Variants in HPSE2 observed in about 807,000 individuals in gnomAD.
HPSE2 encodes inactive heparanase-2.
A neutral mutation model predicts 60.5 loss-of-function variants in HPSE2; 38 were observed. The ratio of observed to expected loss-of-function variants is 0.63; its 90% CI spans 0.48 to 0.82. The LOEUF is 0.82. Among genes scored for constraint, HPSE2 ranks in the 40% least tolerant of loss-of-function variants. The pLI, the probability that HPSE2 is intolerant of heterozygous loss-of-function variation, is 0.00. For missense variants in HPSE2, 713 were observed against 740.4 expected (o/e 0.96, Z 0.43); for synonymous variants, 295 against 293.2 (o/e 1.01, Z -0.06).
intron 9 of HPSE2, among the ~76,000 whole-genome samples, chr10:98,609,611 A>C (rs187066482): frequency 6.6e-6 from 1 of 152,320 alleles, no homozygotes; most frequent in East Asian, 1.9e-4. Flanking sequence ...ATATATACCA[A>C]ATCAGAATCC....
At chr10:98,541,767 G>A (rs1943471508) in intron 9 of HPSE2, among the ~76,000 whole-genome samples, 1 of 152,204 alleles carries the variant, frequency 6.6e-6, no homozygotes, top group African/African-American at 2.4e-5. Flanking sequence ...GGCTGGGGGA[G>A]GGGCACCCGC....
At chr10:98,558,658 C>T (rs559538107) in intron 9 of HPSE2, among the ~76,000 whole-genome samples, 9 of 152,196 alleles carry the variant, frequency 5.9e-5, no homozygotes, top group Middle Eastern at 3.4e-3. Context: ...AGTAATATTC[C>T]GACACTTGAT....
At chr10:98,629,475 C>T (rs187612513) in intron 7 of HPSE2, among the ~76,000 whole-genome samples, 63 of 152,290 alleles carry the variant, frequency 4.1e-4, no homozygotes, top group African/African-American at 1.5e-3. Flanking sequence ...GAGCTCTGTG[C>T]CCTTCCCATG....
At chr10:98,519,226 C>T (rs997179939) in intron 9 of HPSE2, among the ~76,000 whole-genome samples, 5 of 152,158 alleles carry the variant, frequency 3.3e-5, no homozygotes, top group Non-Finnish European at 7.3e-5. Flanking sequence ...TTGCTGAGCA[C>T]CTGTGATATA....
intron 2 of HPSE2, 36 bp from the exon 3 acceptor site, chr10:99,144,435 C>A (rs527353379): frequency 6.2e-7 from 1 of 1,608,108 alleles, no homozygotes; most frequent in South Asian, 1.1e-5. Context: ...GCAGCAAAAA[C>A]TAAAACAAAA....
At chr10:99,169,273 A>C (rs1323450217) in intron 2 of HPSE2, among the ~76,000 whole-genome samples, 1 of 150,804 alleles carries the variant, frequency 6.6e-6, no homozygotes, top group Non-Finnish European at 1.5e-5. Context: ...TAGGAGACCG[A>C]GGCAGGCGGA....
At chr10:99,037,588 ATAATAT>A (rs1957638999) in intron 3 of HPSE2, among the ~76,000 whole-genome samples, 1 of 152,028 alleles carries the variant, frequency 6.6e-6, no homozygotes, top group South Asian at 2.1e-4. Context: ...ATATATGTAC[ATAATAT>A]TAATATATTA....
At chr10:98,936,527 T>C (rs1471203735) in intron 3 of HPSE2, among the ~76,000 whole-genome samples, 3 of 143,170 alleles carry the variant, frequency 2.1e-5, no homozygotes, top group African/African-American at 8.6e-5. Context: ...CTACCTTGAC[T>C]GGAGAAGGGA....
chr10:98,567,748 G>GGTGTGTGTGT (rs57706769), intron 9 of HPSE2, among the ~76,000 whole-genome samples: 46 of 151,316 alleles, frequency 3.0e-4, no homozygotes, highest in African/African-American at 1.1e-3. Flanking sequence ...ACAAATGGAT[G>GGTGTGTGTGT]GTGTGTGTGT....
At chr10:99,249,841 G>T in the HPSE2 span, among the ~76,000 whole-genome samples, 1 of 152,160 alleles carries the variant, frequency 6.6e-6, no homozygotes, top group African/African-American at 2.4e-5. Flanking sequence ...CATGAAATCT[G>T]GTTGTTTAAA....
chr10:99,256,175 G>T, the HPSE2 span, among the ~76,000 whole-genome samples: 1 of 151,288 alleles, frequency 6.6e-6, no homozygotes, highest in Non-Finnish European at 1.5e-5. Flanking sequence ...CTCAACATGA[G>T]ATTTGTGTGG....
chr10:99,071,435 C>T (rs1842787723), intron 3 of HPSE2, among the ~76,000 whole-genome samples: 1 of 152,130 alleles, frequency 6.6e-6, no homozygotes. Context: ...ACATTCCCAC[C>T]AGCTGAGTAC....
the HPSE2 span, among the ~76,000 whole-genome samples, chr10:99,259,107 A>C: frequency 6.6e-6 from 1 of 152,190 alleles, no homozygotes; most frequent in Admixed American, 6.5e-5. Flanking sequence ...GGAGTTCAAG[A>C]CCAGCCCGAC....
intron 3 of HPSE2, among the ~76,000 whole-genome samples, chr10:99,055,039 T>C (rs778490690): frequency 1.4e-4 from 22 of 152,172 alleles, no homozygotes; most frequent in Non-Finnish European, 2.5e-4. Context: ...AATTGTAATG[T>C]CGGTATTCAA....
At chr10:98,854,046 A>G (rs1264048792) in intron 3 of HPSE2, among the ~76,000 whole-genome samples, 4 of 152,192 alleles carry the variant, frequency 2.6e-5, no homozygotes, top group Non-Finnish European at 5.9e-5. Context: ...GTGATCTAGA[A>G]TAATACAACA....
chr10:98,530,554 G>C (rs1310749256), intron 9 of HPSE2, among the ~76,000 whole-genome samples: 3 of 152,178 alleles, frequency 2.0e-5, no homozygotes, highest in Non-Finnish European at 4.4e-5. Flanking sequence ...TCATACAGGA[G>C]AGCATCCATC....
chr10:98,893,553 G>A (rs898646266), intron 3 of HPSE2, among the ~76,000 whole-genome samples: 1 of 152,030 alleles, frequency 6.6e-6, no homozygotes, highest in Non-Finnish European at 1.5e-5. Flanking sequence ...GAAAATGCCT[G>A]AACTCCATTT....
chr10:98,879,852 CGTGTGTGTGT>C lies in HPSE2; in HGVS notation c.611-135806_611-135797del, dbSNP rs3043546. On this transcript the variant is annotated intron_variant, in intron 3 of 11. Coordinates refer to ENST00000370552, the MANE Select transcript of HPSE2 (RefSeq NM_021828.5). ...GGAAACAACAGTTGGTGTGCATGTG[CGTGTGTGTGT>C]GTGTGTGTGTGTGTGTGTGTGTGTG... Among the ~76,000 whole-genome samples, 445 of 145,784 alleles carry C rather than the reference CGTGTGTGTGT, an allele frequency of 3.1e-3. 5 individuals are homozygous for C. Among genetic ancestry groups the C allele is most frequent in the South Asian group, 8.5e-3 (38 of 4,478 alleles).
chr10:98,597,866 G>A (rs1441660541), intron 9 of HPSE2, among the ~76,000 whole-genome samples: 3 of 149,228 alleles, frequency 2.0e-5, no homozygotes, highest in African/African-American at 5.0e-5. Context: ...AGCTACTCAG[G>A]AGGCTGAGGT....
Sources: allele counts gnomAD v4.1 joint callset (sites outside exome capture counted in the v4.1 genomes callset), GRCh38; gene constraint gnomAD v4.1.1; transcripts MANE v1.5; gene names NCBI Gene and HGNC (gene_info 2026-07-23, HGNC 2026-07-21).